The following ASH1L variants were observed in gnomAD, a reference collection of about 807,000 sequenced individuals.
ASH1L encodes the protein histone-lysine N-methyltransferase ASH1L.
ASH1L carries 23 observed loss-of-function variants against 269.0 expected under a neutral mutation model. The ratio of observed to expected loss-of-function variants is 0.09; its 90% CI spans 0.06 to 0.12. ASH1L has a LOEUF of 0.12. Among genes scored for constraint, ASH1L ranks in the 10% least tolerant of loss-of-function variants. The pLI is 1.00. For missense variants in ASH1L, 2,912 were observed against 3,567.8 expected, an observed-to-expected ratio of 0.82 and a Z score of 4.68; for synonymous variants, 1,187 against 1,253.5, an observed-to-expected ratio of 0.95 and a Z score of 1.12.
At chr1:155,485,036 A>G (rs983621382) in intron 2 of ASH1L, among the ~76,000 whole-genome samples, 2 of 151,390 alleles carry the variant, frequency 1.3e-5, no homozygotes, top group African/African-American at 4.9e-5. Flanking sequence ...AGACGGGTGG[A>G]TCACCTGAGG....
intron 5 of ASH1L, among the ~76,000 whole-genome samples, chr1:155,435,006 A>G (rs1359746853): frequency 6.6e-6 from 1 of 152,036 alleles, no homozygotes; most frequent in Non-Finnish European, 1.5e-5. Context: ...AAAAATACAA[A>G]AATTAGCTGG....
chr1:155,443,512 C>A lies in ASH1L; in HGVS notation c.5087-4444G>T, dbSNP rs570530184. Among the ~76,000 whole-genome samples, 12 of 152,254 alleles carry A rather than the reference C, an allele frequency of 7.9e-5. 1 individual carries two copies. The South Asian group carries it at 2.5e-3, about 32-fold the overall frequency. On this transcript the variant is annotated intron_variant, in intron 4 of 27. Coordinates refer to ENST00000392403, the MANE Select transcript of ASH1L (RefSeq NM_018489.3). ...ACATTTTTGAGTTTTGAAAAATTTA[C>A]CATGTAGCCATCATCATAACCAATA...
chr1:155,559,033 G>A (rs759492923), intron 1 of ASH1L, among the ~76,000 whole-genome samples: 1 of 151,584 alleles, frequency 6.6e-6, no homozygotes, highest in South Asian at 2.1e-4. Flanking sequence ...TAGTAGAGAC[G>A]GGGTTTTGCC....
chr1:155,454,659 A>G (rs1663749585), intron 4 of ASH1L, among the ~76,000 whole-genome samples: 1 of 151,962 alleles, frequency 6.6e-6, no homozygotes, highest in Non-Finnish European at 1.5e-5. Flanking sequence ...TCCCAGCTAC[A>G]AGAGAGGCTG....
chr1:155,421,993 A>G (rs995064782), intron 5 of ASH1L, among the ~76,000 whole-genome samples: 4 of 152,118 alleles, frequency 2.6e-5, no homozygotes, highest in African/African-American at 9.7e-5. Context: ...AGAATAACTG[A>G]TCCTATTAAA....
chr1:155,343,625 T>A lies in ASH1L; in HGVS notation c.8099A>T (p.Glu2700Val). 1 of 1,614,164 alleles carries A rather than the reference T, an allele frequency of 6.2e-7. No individual in the cohort carries two copies. Among genetic ancestry groups the A allele is most frequent in the Non-Finnish European group, 8.5e-7 (1 of 1,180,020 alleles). ...GTACTTTTCATTCTTCCAAAGCTTC[T>A]CAATGCGAAAGATGTCAAGTTTATC... ...NRDKLDIFRI[E>V]KLWKNEKEER... Residue 2700 changes from glutamate to valine, a missense_variant, in exon 23 of 28, where the codon GAG becomes GTG. Coordinates refer to ENST00000392403, the MANE Select transcript of ASH1L (RefSeq NM_018489.3). The surrounding 1 kb of genome is among the most constrained non-coding windows in gnomAD (Gnocchi z 6.1).
chr1:155,530,311 G>C (rs1266542960), intron 1 of ASH1L, among the ~76,000 whole-genome samples: 1 of 152,136 alleles, frequency 6.6e-6, no homozygotes, highest in Non-Finnish European at 1.5e-5. Context: ...AGACTTATCA[G>C]TTTGGTTCAC....
At chr1:155,364,917 T>C (rs1655272287) in intron 12 of ASH1L, among the ~76,000 whole-genome samples, 1 of 142,874 alleles carries the variant, frequency 7.0e-6, no homozygotes, top group African/African-American at 2.7e-5. Flanking sequence ...ACTCCAGCTC[T>C]GTCTTAAAAA....
chr1:155,521,306 G>T lies in ASH1L; in HGVS notation c.214C>A (p.Gln72Lys). 1 of 1,614,086 alleles carries T rather than the reference G, an allele frequency of 6.2e-7. No individual in the cohort carries two copies. Among genetic ancestry groups the T allele is most frequent in the Non-Finnish European group, 8.5e-7 (1 of 1,180,012 alleles). Residue 72 changes from glutamine (Q) to lysine (K), a missense_variant, in exon 2 of 28, where the codon CAG (glutamine) becomes AAG (lysine). By Grantham distance (53) the Gln-to-Lys change is moderately conservative. Coordinates refer to ENST00000392403, the MANE Select transcript of ASH1L (RefSeq NM_018489.3). ...KDDGLTDAQQ[Q>K]FSVKETNFSE... Reference sequence around the variant, plus strand: ...AAGTTTGTTTCTTTCACTGAAAACTGTTGCTGTGCATCAGTCAAACCATCA... The same window carrying T: ...AAGTTTGTTTCTTTCACTGAAAACTTTTGCTGTGCATCAGTCAAACCATCA...
chr1:155,517,793 CTTTTTTTTTTT>C (rs780065449), intron 2 of ASH1L, among the ~76,000 whole-genome samples: 3 of 70,916 alleles, frequency 4.2e-5, no homozygotes, highest in Admixed American at 2.1e-4. Flanking sequence ...CCAATAATTT[CTTTTTTTTTTT>C]TTTTTTTTTT....
At chr1:155,482,494 C>CTTTACTTAGCTTA in intron 2 of ASH1L, 45 bp from the exon 3 acceptor site, 2 of 1,550,868 alleles carry the variant, frequency 1.3e-6, no homozygotes, top group Non-Finnish European at 1.7e-6. Flanking sequence ...GTAAACCTTA[C>CTTTACTTAGCTTA]ACCACTTTAG....
intron 10 of ASH1L, among the ~76,000 whole-genome samples, chr1:155,371,908 G>A (rs1655985413): frequency 6.6e-6 from 1 of 151,978 alleles, no homozygotes; most frequent in African/African-American, 2.4e-5. Context: ...TGGCCAGGCT[G>A]GTCTCAAACT....
chr1:155,412,507 G>A (rs1025282133), intron 6 of ASH1L, among the ~76,000 whole-genome samples: 8 of 152,142 alleles, frequency 5.3e-5, no homozygotes, highest in Admixed American at 2.6e-4. Flanking sequence ...AGGGTAGTGC[G>A]CCCAAGGAGG....
At chr1:155,513,469 G>A (rs117276385) in intron 2 of ASH1L, among the ~76,000 whole-genome samples, 1 of 151,568 alleles carries the variant, frequency 6.6e-6, no homozygotes, top group African/African-American at 2.4e-5. Context: ...TACTCAAGAG[G>A]CTGAGATGGC....
At chr1:155,428,450 A>AT (rs922737978) in intron 5 of ASH1L, among the ~76,000 whole-genome samples, 7 of 151,536 alleles carry the variant, frequency 4.6e-5, no homozygotes, top group African/African-American at 1.5e-4. Context: ...CTCAAAAAAA[A>AT]AAATATATAT....
chr1:155,513,454 C>A (rs367731367), intron 2 of ASH1L, among the ~76,000 whole-genome samples: 2 of 151,102 alleles, frequency 1.3e-5, no homozygotes, highest in African/African-American at 4.9e-5. Flanking sequence ...TGCCTGTAGC[C>A]GGTCTACTCA....
chr1:155,388,147 G>A (rs1657596061), intron 7 of ASH1L, among the ~76,000 whole-genome samples: 1 of 152,152 alleles, frequency 6.6e-6, no homozygotes, highest in African/African-American at 2.4e-5. Flanking sequence ...GGAGTCAGGA[G>A]GCCATGGGGG....
chr1:155,536,101 T>C (rs1670039226), intron 1 of ASH1L, among the ~76,000 whole-genome samples: 1 of 152,222 alleles, frequency 6.6e-6, no homozygotes, highest in African/African-American at 2.4e-5. Flanking sequence ...ATCATATTTC[T>C]TAGGATATAT....
chr1:155,429,825 G>A (rs1197707308), intron 5 of ASH1L, among the ~76,000 whole-genome samples: 4 of 151,946 alleles, frequency 2.6e-5, no homozygotes, highest in African/African-American at 2.4e-5. Context: ...TTTAAGACAG[G>A]TTCTCGCTTT....
Sources: gnomAD v4.1 joint callset for allele counts (sites outside exome capture counted in the v4.1 genomes callset) on GRCh38, gnomAD v4.1.1 for gene constraint, Gnocchi (gnomAD v3.1) non-coding constraint, MANE v1.5 for transcripts, NCBI Gene and HGNC (gene_info 2026-07-23, HGNC 2026-07-21) for gene names.